Variants in ROBO2 observed in about 807,000 individuals in gnomAD.
ROBO2 encodes the protein roundabout guidance receptor 2.
In ROBO2, 53 loss-of-function variants were observed where a neutral mutation model predicts 160.8. The observed-to-expected ratio is 0.33, with a 90% CI of 0.26 to 0.41. The LOEUF (loss-of-function observed/expected upper bound fraction) is 0.41. Ranked by LOEUF, ROBO2 falls within the 10% of genes least tolerant of loss-of-function variation. The probability of loss-of-function intolerance (pLI) is 1.00; values close to 1 mark genes in which losing one functional copy is unlikely to be tolerated. For synonymous variants in ROBO2, 664 were observed against 611.7 expected (o/e 1.09, Z -1.26); for missense variants, 1,577 against 1,722.4 (o/e 0.92, Z 1.49).
chr3:76,225,770 A>G (rs956262916), intron 2 of ROBO2, among the ~76,000 whole-genome samples: 8 of 152,192 alleles, frequency 5.3e-5, no homozygotes, highest in Non-Finnish European at 7.3e-5. Flanking sequence ...AATGTTAAAA[A>G]GAAGGAAAGT....
intron 2 of ROBO2, among the ~76,000 whole-genome samples, chr3:77,400,290 CAG>C (rs1273178867): frequency 3.3e-5 from 5 of 152,096 alleles, no homozygotes; most frequent in African/African-American, 1.2e-4. Context: ...ATCAGACAAA[CAG>C]AGCTATTAAA....
At chr3:75,925,718 A>G (rs1363590665) in intron 1 of ROBO2, among the ~76,000 whole-genome samples, 5 of 152,224 alleles carry the variant, frequency 3.3e-5, no homozygotes, top group Non-Finnish European at 7.3e-5. Flanking sequence ...TTTGCCAGCC[A>G]CTTATGTGTG....
chr3:76,710,281 A>G (rs956654108), intron 2 of ROBO2, among the ~76,000 whole-genome samples: 1 of 151,842 alleles, frequency 6.6e-6, no homozygotes, highest in African/African-American at 2.4e-5. Flanking sequence ...CCACCCTGCC[A>G]AGCTTATTTT....
At chr3:77,525,678 A>G (rs867269562) in intron 6 of ROBO2, among the ~76,000 whole-genome samples, 2 of 151,230 alleles carry the variant, frequency 1.3e-5, no homozygotes, top group African/African-American at 4.8e-5. Context: ...TGGAAAAATC[A>G]TATTGTTTCT....
chr3:77,140,447 G>C (rs1454559897), intron 2 of ROBO2, among the ~76,000 whole-genome samples: 1 of 152,126 alleles, frequency 6.6e-6, no homozygotes, highest in Admixed American at 6.6e-5. Context: ...GCACTGCTCA[G>C]ATTATGTCAG....
chr3:76,945,206 G>T (rs537929026), intron 2 of ROBO2, among the ~76,000 whole-genome samples: 26 of 152,222 alleles, frequency 1.7e-4, no homozygotes, highest in Admixed American at 3.3e-4. Context: ...TGGCAGAAGC[G>T]CCAGTTTAGG....
intron 6 of ROBO2, among the ~76,000 whole-genome samples, chr3:77,525,910 A>G (rs2091106486): frequency 6.6e-6 from 1 of 151,370 alleles, no homozygotes; most frequent in Non-Finnish European, 1.5e-5. Context: ...GATGAAAAAC[A>G]AAGTTCTTTT....
At chr3:76,035,924 G>A (rs1004786367) in intron 2 of ROBO2, among the ~76,000 whole-genome samples, 3 of 151,984 alleles carry the variant, frequency 2.0e-5, no homozygotes, top group Admixed American at 6.6e-5. Context: ...ATGGAAAAAC[G>A]CAAGACCCTC....
At chr3:77,161,678 T>C (rs1323921434) in intron 2 of ROBO2, among the ~76,000 whole-genome samples, 2 of 152,206 alleles carry the variant, frequency 1.3e-5, no homozygotes. Context: ...ACAATTCAGT[T>C]TGAAAATCAG....
chr3:76,033,816 C>T (rs988854553), intron 2 of ROBO2, among the ~76,000 whole-genome samples: 1 of 152,122 alleles, frequency 6.6e-6, no homozygotes, highest in Non-Finnish European at 1.5e-5. Flanking sequence ...CACCATGGGT[C>T]TCTTCCATGT....
chr3:77,317,178 C>A, intron 2 of ROBO2: 1 of 913,944 alleles, frequency 1.1e-6, no homozygotes, highest in South Asian at 1.3e-5. Flanking sequence ...TGTAACCCGG[C>A]ACTAGAGCAC....
At chr3:76,315,408 C>T (rs2071930754) in intron 2 of ROBO2, among the ~76,000 whole-genome samples, 1 of 152,108 alleles carries the variant, frequency 6.6e-6, no homozygotes, top group Non-Finnish European at 1.5e-5. Flanking sequence ...TTATCTTCTC[C>T]CTCTTTAGGA....
chr3:76,715,247 A>G (rs1050648340), intron 2 of ROBO2, among the ~76,000 whole-genome samples: 5 of 152,110 alleles, frequency 3.3e-5, no homozygotes, highest in Non-Finnish European at 7.4e-5. Flanking sequence ...TAAGGAAAAA[A>G]GTTAATAATC....
intron 2 of ROBO2, among the ~76,000 whole-genome samples, chr3:76,672,073 C>T (rs1235140574): frequency 6.6e-6 from 1 of 151,250 alleles, no homozygotes; most frequent in African/African-American, 2.4e-5. Context: ...ATTACTTCAA[C>T]AAAAAAAAGC....
chr3:77,456,322 TATA>T (rs2081633435), intron 2 of ROBO2, among the ~76,000 whole-genome samples: 1 of 152,178 alleles, frequency 6.6e-6, no homozygotes. Context: ...TTGTTGGAGA[TATA>T]AGAAATCTCA....
intron 2 of ROBO2, among the ~76,000 whole-genome samples, chr3:76,182,994 T>A (rs1358866049): frequency 6.6e-6 from 1 of 152,150 alleles, no homozygotes; most frequent in Non-Finnish European, 1.5e-5. Context: ...GTCAGAAATT[T>A]GGGCAGAGCT....
At chr3:76,177,141 T>C (rs1233300994) in intron 2 of ROBO2, among the ~76,000 whole-genome samples, 4 of 152,184 alleles carry the variant, frequency 2.6e-5, no homozygotes, top group Non-Finnish European at 5.9e-5. Context: ...TGCCATTTTT[T>C]ATGTCTAATG....
At chr3:77,288,165 G>A (rs926100630) in intron 2 of ROBO2, among the ~76,000 whole-genome samples, 8 of 152,070 alleles carry the variant, frequency 5.3e-5, no homozygotes, top group Non-Finnish European at 1.0e-4. Context: ...AAAATTGACC[G>A]AGCATGAAAT....
intron 1 of ROBO2, among the ~76,000 whole-genome samples, chr3:77,049,355 G>GAA (rs1680052979): frequency 6.6e-6 from 1 of 152,066 alleles, no homozygotes; most frequent in South Asian, 2.1e-4. Context: ...ATTTAGGCTT[G>GAA]AAAAGAATTA....
Sources: allele counts gnomAD v4.1 joint callset (sites outside exome capture counted in the v4.1 genomes callset), GRCh38; gene constraint gnomAD v4.1.1; transcripts MANE v1.5; gene names NCBI Gene and HGNC (gene_info 2026-07-23, HGNC 2026-07-21).